Variants in CCDC191 observed in about 807,000 individuals in gnomAD.
CCDC191 encodes coiled-coil domain-containing protein 191.
Under a neutral mutation model 114.0 loss-of-function variants are expected in CCDC191, and 99 were observed. That is an observed-to-expected ratio of 0.87 (90% CI 0.74 to 1.03). The LOEUF (loss-of-function observed/expected upper bound fraction) is 1.03. Ranked by LOEUF, CCDC191 falls within the 50% of genes least tolerant of loss-of-function variation. CCDC191 has a pLI of 0.00. For missense variants in CCDC191, 973 were observed against 1,087.0 expected, an observed-to-expected ratio of 0.90 and a Z score of 1.47; for synonymous variants, 351 against 376.0, an observed-to-expected ratio of 0.93 and a Z score of 0.77.
chr3:114,046,496 C>T (rs940653005), intron 3 of CCDC191, 95 bp downstream of exon 3: 2 of 801,072 alleles, frequency 2.5e-6, no homozygotes, highest in African/African-American at 1.7e-5. Context: ...AAATTAAGAA[C>T]AAGAGTAAGA....
intron 11 of CCDC191, 181 bp from the exon 12 acceptor site, chr3:114,002,719 T>C: frequency 1.1e-6 from 1 of 916,718 alleles, no homozygotes. Context: ...ACTCTACAGG[T>C]TAAAGACCTA....
chr3:114,009,033 T>C (rs964266824), intron 9 of CCDC191, among the ~76,000 whole-genome samples: 4 of 152,086 alleles, frequency 2.6e-5, no homozygotes, highest in Non-Finnish European at 4.4e-5. Context: ...CTGTAACACA[T>C]GGGAAGTATT....
chr3:114,006,660 C>T (rs929692814), intron 9 of CCDC191, among the ~76,000 whole-genome samples: 9 of 138,704 alleles, frequency 6.5e-5, no homozygotes, highest in Non-Finnish European at 9.2e-5. Context: ...ATTTAATATG[C>T]ATAAATTGAC....
intron 7 of CCDC191, among the ~76,000 whole-genome samples, chr3:114,021,203 T>A (rs935539747): frequency 1.4e-4 from 22 of 152,134 alleles, no homozygotes; most frequent in African/African-American, 5.3e-4. Context: ...AAGCATTGGT[T>A]AGGAACATAT....
At chr3:114,006,609 TA>T (rs2075969323) in intron 9 of CCDC191, among the ~76,000 whole-genome samples, 3 of 135,156 alleles carry the variant, frequency 2.2e-5, no homozygotes, top group African/African-American at 8.9e-5. Context: ...TATATATATA[TA>T]TATATATAAA....
intron 6 of CCDC191, among the ~76,000 whole-genome samples, chr3:114,032,037 T>C (rs147211514): frequency 2.6e-5 from 4 of 152,294 alleles, no homozygotes; most frequent in African/African-American, 9.6e-5. Context: ...AGTATTTTTA[T>C]TGAGTTGCAC....
chr3:114,046,788 G>T (rs1425074221), intron 2 of CCDC191, 56 bp from the exon 3 acceptor site: 6 of 1,523,734 alleles, frequency 3.9e-6, no homozygotes, highest in East Asian at 2.3e-5. Context: ...TGTTCAGTTA[G>T]AGAATTTCTC....
At chr3:114,008,683 C>T (rs2076015783) in intron 9 of CCDC191, among the ~76,000 whole-genome samples, 1 of 151,734 alleles carries the variant, frequency 6.6e-6, no homozygotes, top group Non-Finnish European at 1.5e-5. Context: ...AAAATGTTTG[C>T]AATATATAAT....
chr3:113,999,907 G>A (rs1429239955), intron 13 of CCDC191, among the ~76,000 whole-genome samples: 5 of 152,124 alleles, frequency 3.3e-5, no homozygotes, highest in African/African-American at 1.2e-4. Flanking sequence ...CATCACACAA[G>A]GACTTTACCT....
intron 13 of CCDC191, among the ~76,000 whole-genome samples, chr3:113,986,021 T>A (rs1406713323): frequency 6.6e-6 from 1 of 152,168 alleles, no homozygotes; most frequent in African/African-American, 2.4e-5. Context: ...GTTGGAACTA[T>A]CAGAGAGGGA....
At chr3:114,034,836 G>T in intron 6 of CCDC191, 89 bp downstream of exon 6, 2 of 1,010,412 alleles carry the variant, frequency 2.0e-6, no homozygotes, top group South Asian at 1.5e-5. Flanking sequence ...TTTTGTTATT[G>T]AATGTTTGTG....
At chr3:114,053,560 TA>T (rs1212001445) in intron 2 of CCDC191, 36 bp downstream of exon 2, 1 of 1,331,192 alleles carries the variant, frequency 7.5e-7, no homozygotes. Flanking sequence ...GCTTGACTCT[TA>T]ATACTCTTTT....
At chr3:114,037,717 T>C (rs547698778) in intron 4 of CCDC191, among the ~76,000 whole-genome samples, 1 of 152,258 alleles carries the variant, frequency 6.6e-6, no homozygotes, top group East Asian at 1.9e-4. Context: ...TCAAATGGTG[T>C]TGCATTTGCC....
At chr3:113,995,537 G>T (rs1200585980) in intron 13 of CCDC191, among the ~76,000 whole-genome samples, 1 of 152,142 alleles carries the variant, frequency 6.6e-6, no homozygotes, top group East Asian at 1.9e-4. Flanking sequence ...CTGTACTCAA[G>T]GAGCTGGGGA....
At chr3:114,056,083 G>T (rs752050970) in intron 1 of CCDC191, among the ~76,000 whole-genome samples, 12 of 151,926 alleles carry the variant, frequency 7.9e-5, no homozygotes, top group Non-Finnish European at 7.4e-5. Flanking sequence ...AAGGTAGGGG[G>T]AACGGAGTTT....
chr3:113,983,155 A>C (rs530699056), intron 13 of CCDC191, among the ~76,000 whole-genome samples: 10 of 152,112 alleles, frequency 6.6e-5, no homozygotes, highest in Non-Finnish European at 1.0e-4. Context: ...CATTCAGCCA[A>C]ATTCACCACT....
At chr3:114,027,271 A>G (rs2076333494) in intron 7 of CCDC191, among the ~76,000 whole-genome samples, 1 of 152,232 alleles carries the variant, frequency 6.6e-6, no homozygotes, top group Non-Finnish European at 1.5e-5. Context: ...CTCCTATTAA[A>G]TAATGTGGCC....
At chr3:113,985,766 A>T (rs977416695) in intron 13 of CCDC191, among the ~76,000 whole-genome samples, 3 of 152,242 alleles carry the variant, frequency 2.0e-5, no homozygotes, top group African/African-American at 7.2e-5. Context: ...TCTGATGTCT[A>T]CAGCATACAG....
chr3:114,056,451 G>C lies in CCDC191; in HGVS notation c.16C>G (p.Gln6Glu). ...CTTTTCTTTGAGAAGGACCTTCCCT[G>C]AGGCGCCAGGAGCATTTTCCAAGTT... Reference protein sequence around the residue: MLLAPQGRSFSKKRMG... With the variant: MLLAPEGRSFSKKRMG... The change falls in exon 1 of 17, where the codon CAG becomes GAG. Residue 6 changes from glutamine (Q) to glutamate (E), a missense_variant. Gln to Glu is a conservative substitution (Grantham distance 29). Coordinates refer to ENST00000295878, the MANE Select transcript of CCDC191 (RefSeq NM_020817.2). 1.2e-6 allele frequency: 2 copies of C among 1,614,142 alleles called. No individual in the cohort carries two copies. The highest frequency in any genetic ancestry group is 8.5e-7 in the Non-Finnish European group (1 of 1,180,022).
Sources: allele counts gnomAD v4.1 joint callset (sites outside exome capture counted in the v4.1 genomes callset), GRCh38; gene constraint gnomAD v4.1.1; transcripts MANE v1.5; gene names NCBI Gene and HGNC (gene_info 2026-07-23, HGNC 2026-07-21).